The following PDK3 variants were observed in gnomAD, a reference collection of about 807,000 sequenced individuals.
PDK3 encodes pyruvate dehydrogenase kinase, isozyme 3.
A neutral mutation model predicts 32.0 loss-of-function variants in PDK3; 12 were observed. The observed-to-expected ratio is 0.37, with a 90% confidence interval of 0.24 to 0.61. The LOEUF is 0.61. Among genes scored for constraint, PDK3 ranks in the 20% least tolerant of loss-of-function variants. The probability of loss-of-function intolerance (pLI) is 0.65; values close to 1 mark genes in which losing one functional copy is unlikely to be tolerated. For synonymous variants in PDK3, 122 were observed against 116.3 expected, an observed-to-expected ratio of 1.05 and a Z score of -0.31; for missense variants, 188 against 316.9, an observed-to-expected ratio of 0.59 and a Z score of 3.09.
intron 10 of PDK3, 138 bp from the exon 11 acceptor site, chrX:24,533,791 C>T: frequency 3.1e-6 from 2 of 643,067 alleles, no homozygotes; most frequent in Non-Finnish European, 4.5e-6. Context: ...AAGTAAACTA[C>T]TAAGGTGTAA....
chrX:24,479,821 C>T (rs754781455), intron 1 of PDK3, among the ~76,000 whole-genome samples: 5 of 111,079 alleles, frequency 4.5e-5, no homozygotes, highest in African/African-American at 1.3e-4. Flanking sequence ...CTTTATATGG[C>T]ACCTGAAAAA....
At chrX:24,537,115 TTC>T (rs1396962257), downstream of PDK3, among the ~76,000 whole-genome samples, 2 of 93,293 alleles carry the variant, frequency 2.1e-5, no homozygotes, top group Non-Finnish European at 4.3e-5. Context: ...TTCTTTTCTT[TTC>T]TTTTTTTTTT....
intron 1 of PDK3, among the ~76,000 whole-genome samples, chrX:24,474,419 A>ATTTT (rs1921056496): frequency 9.4e-6 from 1 of 106,435 alleles, no homozygotes; most frequent in African/African-American, 3.4e-5. Flanking sequence ...TTATTTATTT[A>ATTTT]TTTATTTATT....
chrX:24,469,620 T>A (rs1046692317), intron 1 of PDK3, among the ~76,000 whole-genome samples: 52 of 109,108 alleles, frequency 4.8e-4, no homozygotes, highest in East Asian at 2.6e-3. Flanking sequence ...CTAAAAAAAA[T>A]AATAATAATA....
At chrX:24,484,862 C>A (rs1386756914) in intron 1 of PDK3, among the ~76,000 whole-genome samples, 1 of 111,037 alleles carries the variant, frequency 9.0e-6, no homozygotes, top group Non-Finnish European at 1.9e-5. Flanking sequence ...CTCTCTCTCT[C>A]TCTCACATAC....
intron 3 of PDK3, among the ~76,000 whole-genome samples, chrX:24,502,529 G>A (rs1295971468): frequency 8.9e-6 from 1 of 111,761 alleles, no homozygotes; most frequent in Non-Finnish European, 1.9e-5. Flanking sequence ...TGTTCTGTCT[G>A]CATTTCATCA....
intron 3 of PDK3, 48 bp from the exon 4 acceptor site, chrX:24,503,279 G>A (rs1221516689): frequency 2.1e-6 from 2 of 963,798 alleles, no homozygotes; most frequent in East Asian, 3.2e-5. Flanking sequence ...CTGTGCATCA[G>A]CCCATGAGAT....
intron 9 of PDK3, among the ~76,000 whole-genome samples, chrX:24,531,049 T>TTGTG (rs760426568): frequency 0.2 from 19,645 of 97,938 alleles, 1,911 homozygotes; most frequent in South Asian, 0.37. Flanking sequence ...GAATGTGCTT[T>TTGTG]TGTGTGTGTG....
intron 5 of PDK3, among the ~76,000 whole-genome samples, chrX:24,517,866 G>A (rs1314668619): frequency 8.9e-6 from 1 of 112,141 alleles, no homozygotes; most frequent in Admixed American, 9.5e-5. Context: ...CTTTTAAAGT[G>A]ATAGTGGCAT....
chrX:24,495,125 T>C (rs1012876817), intron 2 of PDK3, among the ~76,000 whole-genome samples: 11 of 112,558 alleles, frequency 9.8e-5, no homozygotes, highest in African/African-American at 3.6e-4. Flanking sequence ...TGAGTTTTTC[T>C]TGTGTGTGGT....
At chrX:24,527,974 T>C in intron 8 of PDK3, 102 bp from the exon 9 acceptor site, 1 of 503,336 alleles carries the variant, frequency 2.0e-6, no homozygotes, top group Non-Finnish European at 3.5e-6. Flanking sequence ...CCTTGTACAT[T>C]GTGGAGTAAT....
chrX:24,538,649 G>A (rs1602131774), downstream of PDK3, among the ~76,000 whole-genome samples: 2 of 110,345 alleles, frequency 1.8e-5, no homozygotes, highest in Middle Eastern at 4.6e-3. Flanking sequence ...CGGTGGTGGC[G>A]GGTGCCTGTA....
At chrX:24,522,914 A>G (rs1047131333) in intron 6 of PDK3, among the ~76,000 whole-genome samples, 2 of 111,002 alleles carry the variant, frequency 1.8e-5, no homozygotes, top group Admixed American at 1.9e-4. Context: ...TCAAAAAAAA[A>G]AAAGAGGGGA....
At chrX:24,498,296 C>A (rs996004505) in intron 2 of PDK3, among the ~76,000 whole-genome samples, 4 of 111,468 alleles carry the variant, frequency 3.6e-5, no homozygotes, top group African/African-American at 1.3e-4. Flanking sequence ...GTAGGGTGAG[C>A]TTTTGGTGTT....
At chrX:24,509,786 A>G (rs367718241) in intron 5 of PDK3, among the ~76,000 whole-genome samples, 2 of 111,842 alleles carry the variant, frequency 1.8e-5, no homozygotes. Context: ...ACAGCACACT[A>G]AATACTCTTG....
At chrX:24,519,111 T>C in intron 6 of PDK3, 101 bp downstream of exon 6, 1 of 501,953 alleles carries the variant, frequency 2.0e-6, no homozygotes, top group Non-Finnish European at 3.3e-6. Context: ...TATACTGATT[T>C]TTCATTTTCT....
downstream of PDK3, among the ~76,000 whole-genome samples, chrX:24,537,864 A>G (rs1569228878): frequency 8.9e-6 from 1 of 112,297 alleles, no homozygotes; most frequent in Non-Finnish European, 1.9e-5. Context: ...ACTCATCTCA[A>G]ATGATGAAGT....
At chrX:24,541,050 C>T (rs1379781906) in exon 12 of PDK3, among the ~76,000 whole-genome samples, 1 of 106,171 alleles carries the variant, frequency 9.4e-6, no homozygotes, top group Non-Finnish European at 1.9e-5. Flanking sequence ...GCTGGGATTA[C>T]AGGCATGCAC....
intron 3 of PDK3, among the ~76,000 whole-genome samples, chrX:24,501,742 G>A (rs889031015): frequency 8.9e-6 from 1 of 112,159 alleles, no homozygotes; most frequent in Non-Finnish European, 1.9e-5. Flanking sequence ...ACAAACAGCT[G>A]TTCACCTTTT....
Sources: gnomAD v4.1 joint callset for allele counts (sites outside exome capture counted in the v4.1 genomes callset) on GRCh38, gnomAD v4.1.1 for gene constraint, MANE v1.5 for transcripts, NCBI Gene and HGNC (gene_info 2026-07-23, HGNC 2026-07-21) for gene names.